The following GRSF1 variants were observed in gnomAD, a reference collection of about 807,000 sequenced individuals.
GRSF1 encodes G-rich RNA sequence binding factor 1.
GRSF1 carries 50 observed loss-of-function variants against 51.1 expected under a neutral mutation model. The ratio of observed to expected loss-of-function variants is 0.98; its 90% CI spans 0.78 to 1.24. GRSF1 has a LOEUF of 1.24. Among genes scored for constraint, GRSF1 ranks in the 50% most tolerant of loss-of-function variants. GRSF1 has a pLI of 0.00. For synonymous variants in GRSF1, 293 were observed against 253.3 expected (o/e 1.16, Z -1.49); for missense variants, 700 against 639.7 (o/e 1.09, Z -1.02).
chr4:70,838,920 C>G (rs758046510), intron 1 of GRSF1: 1 of 339,388 alleles, frequency 2.9e-6, no homozygotes, highest in African/African-American at 2.2e-5. Flanking sequence ...CGGGACAGCT[C>G]GTCTTTCCCT....
intron 2 of GRSF1, 139 bp downstream of exon 2, chr4:70,836,019 A>T: frequency 2.0e-6 from 1 of 496,514 alleles, no homozygotes; most frequent in Non-Finnish European, 3.5e-6. Context: ...TCAAAAAGGA[A>T]GGTGACAGCG....
At chr4:70,821,425 A>AC (rs1733493725) in intron 9 of GRSF1, among the ~76,000 whole-genome samples, 1 of 33,946 alleles carries the variant, frequency 2.9e-5, no homozygotes, top group Non-Finnish European at 1.1e-4. Context: ...CTCCGTCTCA[A>AC]AAAATAAATA....
In GRSF1 at chr4:70,831,526, C is replaced by G; in HGVS notation, c.950+13G>C. On this transcript the variant is annotated intron_variant, in intron 5 of 9. Coordinates refer to ENST00000254799, the MANE Select transcript of GRSF1 (RefSeq NM_002092.4). Reference sequence around the variant, plus strand: ...TGTAACACTTCTGCATCATTAGTATCTGCTTTACTCACCGATTACCAATTT... The same window carrying G: ...TGTAACACTTCTGCATCATTAGTATGTGCTTTACTCACCGATTACCAATTT... The G allele has an allele frequency of 6.2e-7, 1 of 1,611,128 alleles. No homozygotes were observed. The highest frequency in any genetic ancestry group is 8.5e-7 in the Non-Finnish European group (1 of 1,178,110).
chr4:70,842,780 G>A (rs1734483382), upstream of GRSF1, among the ~76,000 whole-genome samples: 1 of 152,108 alleles, frequency 6.6e-6, no homozygotes, highest in Non-Finnish European at 1.5e-5. Context: ...GAATGGATTG[G>A]AAACCTAAAT....
Position 70,839,032 on chromosome 4 carries a change from G to A in GRSF1, c.357+439C>T, listed in dbSNP as rs1464987397. ...CCTTCCCAGCAGCGGCCGACCGAGA[G>A]GCGCCGAGGGCCGCCCAGGCCTAGC... On this transcript the variant is annotated intron_variant, in intron 1 of 9. Coordinates refer to ENST00000254799, the MANE Select transcript of GRSF1 (RefSeq NM_002092.4). 5 of 830,418 alleles carry A rather than the reference G, an allele frequency of 6.0e-6. No homozygotes were observed. In the African/African-American group the frequency reaches 9.1e-5, roughly 15 times the overall value. 51.4% of individuals were successfully genotyped at this position (830,418 alleles called of 1,614,324 possible). A position where few individuals can be genotyped will look rare whatever the true frequency, so the allele number is the denominator to read the frequency against.
chr4:70,816,978 T>C lies in GRSF1; in HGVS notation c.*3909A>G, dbSNP rs905312282. On this transcript the variant is annotated 3_prime_UTR_variant, in exon 10 of 10. Coordinates refer to ENST00000254799, the MANE Select transcript of GRSF1 (RefSeq NM_002092.4). ...GTGGGAGAAAAGCCAAAATACAAAA[T>C]AGCATGTACAGTATAATTTATATTT... The C allele has an allele frequency of 7.2e-5, 11 of 152,042 alleles. No homozygotes were observed. Among genetic ancestry groups the C allele is most frequent in the African/African-American group, 2.4e-4 (10 of 41,366 alleles). 9.4% of individuals were successfully genotyped at this position (152,042 alleles called of 1,614,324 possible).
intron 8 of GRSF1, among the ~76,000 whole-genome samples, chr4:70,824,569 G>C (rs1172870609): frequency 6.6e-6 from 1 of 152,086 alleles, no homozygotes; most frequent in Non-Finnish European, 1.5e-5. Context: ...AGGATCACCT[G>C]AGGTAAGGAG....
intron 7 of GRSF1, chr4:70,825,726 G>T: frequency 3.4e-6 from 1 of 296,702 alleles, no homozygotes; most frequent in Non-Finnish European, 6.2e-6. Flanking sequence ...GAGGTCAGGA[G>T]ATCAAAACCA....
rs973500150 is a variant in GRSF1 at position 70,839,564 on chromosome 4, G to A, written c.264C>T (p.Ala88=). 7.0e-7 allele frequency: 1 copy of A among 1,423,450 alleles called. No individual in the cohort carries two copies. 88.2% of individuals were successfully genotyped at this position (1,423,450 alleles called of 1,614,324 possible). A position where few individuals can be genotyped will look rare whatever the true frequency, so the allele number is the denominator to read the frequency against. The change falls in exon 1 of 10, where the codon GCC becomes GCT. Residue 88 remains alanine (A), a synonymous_variant. Coordinates refer to ENST00000254799, the MANE Select transcript of GRSF1 (RefSeq NM_002092.4). ...GPPAVATSAA[A]AAAASYSALR... Reference sequence around the variant, plus strand: ...GGGCAGAGTAGGACGCGGCGGCCGCGGCCGCGGCAGAGGTGGCCACAGCGG... The same window carrying A: ...GGGCAGAGTAGGACGCGGCGGCCGCAGCCGCGGCAGAGGTGGCCACAGCGG...
intron 2 of GRSF1, among the ~76,000 whole-genome samples, chr4:70,834,426 T>A (rs1734112183): frequency 6.6e-6 from 1 of 152,180 alleles, no homozygotes. Context: ...CTTAATTCCA[T>A]ATTTCCACTG....
upstream of GRSF1, among the ~76,000 whole-genome samples, chr4:70,841,143 T>A (rs6827017): frequency 0.97 from 147,208 of 152,264 alleles, 71,350 homozygotes; most frequent in Middle Eastern, 1. Context: ...AAAAAATAAA[T>A]AAAGCTGGGT....
At chr4:70,835,693 G>A (rs61073173) in intron 2 of GRSF1, among the ~76,000 whole-genome samples, 4,086 of 152,056 alleles carry the variant, frequency 0.027, 81 homozygotes, top group Middle Eastern at 0.055. Context: ...CGCCCGCCTC[G>A]GCCTCCCAAA....
At chr4:70,829,835 A>G (rs778789390) in intron 5 of GRSF1, among the ~76,000 whole-genome samples, 1 of 152,038 alleles carries the variant, frequency 6.6e-6, no homozygotes, top group Non-Finnish European at 1.5e-5. Flanking sequence ...AACCACTTCT[A>G]TCAGTAGATC....
intron 9 of GRSF1, among the ~76,000 whole-genome samples, chr4:70,824,066 G>T (rs28526268): frequency 0.9 from 134,534 of 149,644 alleles, 61,857 homozygotes; most frequent in East Asian, 1. Context: ...TGCCTCCCGG[G>T]TTCAAGTGAT....
rs192400687 is a variant in GRSF1 at position 70,818,264 on chromosome 4, G to C, written c.*2623C>G. On this transcript the variant is annotated 3_prime_UTR_variant, in exon 10 of 10. Transcript: ENST00000254799. ...TTGGCCAGGCTAATCTTGAACTCCT[G>C]ACCTCAAGTGACCCACCATGGAGGG... 1 of 152,164 alleles carries C rather than the reference G, an allele frequency of 6.6e-6. No homozygotes were observed. The highest frequency in any genetic ancestry group is 2.4e-5 in the African/African-American group (1 of 41,428). 9.4% of individuals were successfully genotyped at this position (152,164 alleles called of 1,614,324 possible).
At chr4:70,834,616 C>T (rs906498498) in intron 2 of GRSF1, among the ~76,000 whole-genome samples, 4 of 151,904 alleles carry the variant, frequency 2.6e-5, no homozygotes, top group African/African-American at 7.3e-5. Context: ...AGCACAGTAC[C>T]CAATAGGTTT....
At chr4:70,839,919 G>C, upstream of GRSF1, 1 of 1,233,322 alleles carries the variant, frequency 8.1e-7, no homozygotes, top group Non-Finnish European at 1.1e-6. Context: ...GGGGTGGGGT[G>C]TGCCTGGCAC....
intron 8 of GRSF1, 112 bp downstream of exon 8, chr4:70,825,183 TA>T: frequency 2.5e-6 from 2 of 802,934 alleles, no homozygotes; most frequent in Non-Finnish European, 3.9e-6. Context: ...TTACTAGTAC[TA>T]AAAGAATACA....
At chr4:70,832,552 T>A in intron 3 of GRSF1, 102 bp from the exon 4 acceptor site, 8 of 654,520 alleles carry the variant, frequency 1.2e-5, no homozygotes, top group Non-Finnish European at 2.1e-5. Flanking sequence ...GAGAATTCAA[T>A]AACTATTTTA....
Sources: allele counts gnomAD v4.1 joint callset (sites outside exome capture counted in the v4.1 genomes callset), GRCh38; gene constraint gnomAD v4.1.1; transcripts MANE v1.5; gene names NCBI Gene and HGNC (gene_info 2026-07-23, HGNC 2026-07-21).